Variants in ST3GAL5 observed in about 807,000 individuals in gnomAD.
ST3GAL5 encodes ST3 beta-galactoside alpha-2,3-sialyltransferase 5.
Under a neutral mutation model 46.1 loss-of-function variants are expected in ST3GAL5, and 25 were observed. The observed-to-expected ratio is 0.54, with a 90% CI of 0.40 to 0.76. The LOEUF is 0.76. Ranked by LOEUF, ST3GAL5 falls within the 30% of genes least tolerant of loss-of-function variation. ST3GAL5 has a pLI of 0.00. For synonymous variants in ST3GAL5, 182 were observed against 192.7 expected, an observed-to-expected ratio of 0.94 and a Z score of 0.46; for missense variants, 431 against 521.2, an observed-to-expected ratio of 0.83 and a Z score of 1.69.
intron 2 of ST3GAL5, among the ~76,000 whole-genome samples, chr2:85,862,278 A>AGC: frequency 6.6e-6 from 1 of 151,860 alleles, no homozygotes; most frequent in East Asian, 2.0e-4. Flanking sequence ...GGCATGGCAG[A>AGC]GCACACACAC....
chr2:85,876,953 T>C (rs1686647609), intron 1 of ST3GAL5, among the ~76,000 whole-genome samples: 1 of 152,202 alleles, frequency 6.6e-6, no homozygotes, highest in Admixed American at 6.5e-5. Context: ...TTGAAATAAT[T>C]TCAAACTTAA....
Position 85,840,272 on chromosome 2 carries a change from T to A in ST3GAL5, c.1129A>T (p.Ser377Cys), listed in dbSNP as rs748173859. The change falls in exon 7 of 7, where the codon AGT (serine) becomes TGT (cysteine). Residue 377 changes from serine (S) to cysteine (C), a missense_variant. Ser to Cys is a moderately radical substitution (Grantham distance 112). Transcript: ENST00000638572. ...QPRTPLHYFD[S>C]QCMAAMNFQT... ...AAGTTCATAGCAGCCATGCATTGACTGTCGAAGTAGTGCAAAGGTGTTCTG... is the reference window on the plus strand; with the variant it reads ...AAGTTCATAGCAGCCATGCATTGACAGTCGAAGTAGTGCAAAGGTGTTCTG... 18 of 1,614,128 alleles carry A rather than the reference T, an allele frequency of 1.1e-5. No individual in the cohort carries two copies. Among genetic ancestry groups the A allele is most frequent in the Non-Finnish European group, 1.5e-5 (18 of 1,180,048 alleles).
chr2:85,872,435 T>C (rs986441640), intron 1 of ST3GAL5, among the ~76,000 whole-genome samples: 1 of 151,998 alleles, frequency 6.6e-6, no homozygotes, highest in Non-Finnish European at 1.5e-5. Context: ...ATACAAAAAT[T>C]AGCTGGGCAT....
At chr2:85,882,984 C>T (rs1442345746) in intron 1 of ST3GAL5, among the ~76,000 whole-genome samples, 3 of 152,150 alleles carry the variant, frequency 2.0e-5, no homozygotes, top group African/African-American at 7.2e-5. Flanking sequence ...TTTATAGGCC[C>T]ATAGGCAGAA....
chr2:85,860,889 T>C (rs1684647784), intron 3 of ST3GAL5: 2 of 396,708 alleles, frequency 5.0e-6, no homozygotes, highest in East Asian at 5.4e-5. Flanking sequence ...GTTTACTTTA[T>C]AGCATCAGGG....
At chr2:85,862,272 T>C (rs961588550) in intron 2 of ST3GAL5, among the ~76,000 whole-genome samples, 2 of 151,898 alleles carry the variant, frequency 1.3e-5, no homozygotes, top group Admixed American at 6.6e-5. Context: ...GCACGGGGCA[T>C]GGCAGAGCAC....
chr2:85,872,855 G>T (rs1445879649), intron 1 of ST3GAL5, among the ~76,000 whole-genome samples: 1 of 152,208 alleles, frequency 6.6e-6, no homozygotes, highest in Admixed American at 6.5e-5. Flanking sequence ...ATTCCACTTG[G>T]CAAAGGAGAA....
At chr2:85,887,001 T>C (rs995387982) in intron 1 of ST3GAL5, among the ~76,000 whole-genome samples, 1 of 152,146 alleles carries the variant, frequency 6.6e-6, no homozygotes, top group African/African-American at 2.4e-5. Flanking sequence ...CAGGAGGGTG[T>C]GGAAGGTGAG....
At chr2:85,846,649 T>G in intron 4 of ST3GAL5, 86 bp from the exon 5 acceptor site, 1 of 1,306,210 alleles carries the variant, frequency 7.7e-7, no homozygotes, top group Non-Finnish European at 1.1e-6. Context: ...TGTCATGTCC[T>G]CCACGTCTTC....
intron 3 of ST3GAL5, chr2:85,853,119 C>G (rs1558663947): frequency 7.7e-7 from 1 of 1,295,702 alleles, no homozygotes; most frequent in East Asian, 5.6e-5. Context: ...GAGAGAGGGC[C>G]AAGTTCAAAA....
chr2:85,845,047 T>C (rs1301288193), intron 5 of ST3GAL5: 1 of 215,934 alleles, frequency 4.6e-6, no homozygotes, highest in Non-Finnish European at 9.4e-6. Context: ...GCTTTGGAAA[T>C]ACAAATTTGT....
Position 85,864,857 on chromosome 2 carries a change from C to T in ST3GAL5, c.83-1372G>A, listed in dbSNP as rs192379790. ...CCCAGTCTCCCTTGGAGCTAGGACTCAAGACTAAGTTTTAGCCAATGGGAT... is the reference window on the plus strand; with the variant it reads ...CCCAGTCTCCCTTGGAGCTAGGACTTAAGACTAAGTTTTAGCCAATGGGAT... On this transcript the variant is annotated intron_variant, in intron 1 of 6. Transcript: ENST00000638572. Among the ~76,000 whole-genome samples, 293 of 152,268 alleles carry T rather than the reference C, an allele frequency of 1.9e-3. 1 individual carries two copies. Among genetic ancestry groups the T allele is most frequent in the African/African-American group, 6.6e-3 (273 of 41,552 alleles).
chr2:85,862,373 G>A (rs1167273251), intron 2 of ST3GAL5, among the ~76,000 whole-genome samples: 1 of 151,924 alleles, frequency 6.6e-6, no homozygotes, highest in East Asian at 1.9e-4. Context: ...GGGATGAGAA[G>A]GTGTTTCACT....
intron 1 of ST3GAL5, chr2:85,888,623 C>A (rs961432750): frequency 1.9e-4 from 59 of 312,068 alleles, no homozygotes; most frequent in Non-Finnish European, 2.6e-4. Context: ...TGGGACCCCC[C>A]GCCCGGTCCA....
intron 2 of ST3GAL5, among the ~76,000 whole-genome samples, chr2:85,862,903 A>C (rs1184314187): frequency 6.6e-6 from 1 of 152,206 alleles, no homozygotes; most frequent in Non-Finnish European, 1.5e-5. Flanking sequence ...CTCCTTGATT[A>C]ATTCTATCAC....
intron 1 of ST3GAL5, among the ~76,000 whole-genome samples, chr2:85,864,409 A>G (rs1182683679): frequency 2.0e-5 from 3 of 152,172 alleles, no homozygotes; most frequent in African/African-American, 7.2e-5. Context: ...CAGGAAGGGG[A>G]TAAGTGGAGG....
chr2:85,875,003 G>A (rs1686366228), intron 1 of ST3GAL5, among the ~76,000 whole-genome samples: 1 of 152,040 alleles, frequency 6.6e-6, no homozygotes, highest in South Asian at 2.1e-4. Context: ...GGGAGGCTAG[G>A]GGAACAATAT....
At chr2:85,862,044 T>C (rs1014722150) in intron 2 of ST3GAL5, among the ~76,000 whole-genome samples, 4 of 151,950 alleles carry the variant, frequency 2.6e-5, no homozygotes, top group Non-Finnish European at 4.4e-5. Flanking sequence ...AGTTTTTTTT[T>C]CAAAAAAATT....
chr2:85,848,615 CA>C, intron 3 of ST3GAL5: 1 of 361,222 alleles, frequency 2.8e-6, no homozygotes, highest in Non-Finnish European at 5.4e-6. Flanking sequence ...CACAAAGAGA[CA>C]AATACTGTAT....
Sources: allele counts gnomAD v4.1 joint callset (sites outside exome capture counted in the v4.1 genomes callset), GRCh38; gene constraint gnomAD v4.1.1; transcripts MANE v1.5; gene names NCBI Gene and HGNC (gene_info 2026-07-23, HGNC 2026-07-21).